Variants in ATP10D observed in about 807,000 individuals in gnomAD.
The protein encoded by ATP10D is phospholipid-transporting ATPase VD.
ATP10D carries 89 observed loss-of-function variants against 144.8 expected under a neutral mutation model. The observed-to-expected ratio is 0.61, with a 90% CI of 0.52 to 0.73. ATP10D has a LOEUF of 0.73. ATP10D is among the 30% of genes least tolerant of loss of function. ATP10D has a pLI of 0.00. For synonymous variants in ATP10D, 571 were observed against 615.1 expected (o/e 0.93, Z 1.06); for missense variants, 1,603 against 1,714.8 (o/e 0.93, Z 1.15).
intron 5 of ATP10D, among the ~76,000 whole-genome samples, chr4:47,534,799 G>T (rs1052406743): frequency 1.3e-5 from 2 of 152,086 alleles, no homozygotes; most frequent in East Asian, 1.9e-4. Flanking sequence ...TATAGTAATA[G>T]AAGTTGTCAA....
chr4:47,511,166 G>A (rs1008208794), intron 1 of ATP10D, among the ~76,000 whole-genome samples: 5 of 152,086 alleles, frequency 3.3e-5, no homozygotes, highest in East Asian at 1.9e-4. Flanking sequence ...AATATACTTC[G>A]GAGGCAGACT....
intron 1 of ATP10D, chr4:47,491,178 A>C: frequency 1.3e-6 from 1 of 746,046 alleles, no homozygotes; most frequent in Non-Finnish European, 2.5e-6. Context: ...TAGAGTGCTT[A>C]ATGTGCTCAA....
Position 47,593,032 on chromosome 4 carries a change from A to T in ATP10D, c.*1651A>T, listed in dbSNP as rs1428482166. The stretch of plus-strand genomic sequence containing the variant: ...GAAAATCACTGATGTCATATCATTT[A>T]TTATCCTCACAGCAGCTGGCATTCA... On this transcript the variant is annotated 3_prime_UTR_variant, in exon 23 of 23. Transcript: ENST00000273859. 3.9e-5 allele frequency: 6 copies of T among 152,102 alleles called. No individual in the cohort carries two copies. The highest frequency in any genetic ancestry group is 1.4e-4 in the African/African-American group (6 of 41,424). 9.4% of individuals were successfully genotyped at this position (152,102 alleles called of 1,614,324 possible). A position where few individuals can be genotyped will look rare whatever the true frequency, so the allele number is the denominator to read the frequency against.
intron 1 of ATP10D, among the ~76,000 whole-genome samples, chr4:47,495,451 A>G (rs1715303183): frequency 6.6e-6 from 1 of 152,196 alleles, no homozygotes; most frequent in Admixed American, 6.5e-5. Context: ...TAACTTTTTG[A>G]TTAAAATGAA....
intron 18 of ATP10D, among the ~76,000 whole-genome samples, chr4:47,575,476 T>C (rs943685039): frequency 1.3e-5 from 2 of 152,122 alleles, no homozygotes; most frequent in Non-Finnish European, 2.9e-5. Flanking sequence ...GGGAAACCCC[T>C]CAGTCCCAAG....
intron 5 of ATP10D, among the ~76,000 whole-genome samples, chr4:47,534,955 T>C (rs1347814146): frequency 2.0e-5 from 3 of 152,078 alleles, no homozygotes; most frequent in Non-Finnish European, 2.9e-5. Context: ...ATGTGACTTA[T>C]GTACACACCA....
intron 14 of ATP10D, among the ~76,000 whole-genome samples, chr4:47,561,450 C>A (rs1346918821): frequency 1.3e-5 from 2 of 151,862 alleles, no homozygotes; most frequent in East Asian, 3.9e-4. Context: ...TTTTTGAATT[C>A]TCACAACAAA....
At chr4:47,575,389 G>A (rs554249370) in intron 18 of ATP10D, among the ~76,000 whole-genome samples, 2 of 152,112 alleles carry the variant, frequency 1.3e-5, no homozygotes, top group African/African-American at 4.8e-5. Context: ...GAATGCCTGT[G>A]CCTGGACTCT....
chr4:47,512,490 T>C lies in ATP10D; in HGVS notation c.-37-14T>C. Reference sequence around the variant, plus strand: ...CAGAAGCTCATGGAAGTGTGGTTTTTGTTTGTTTGCCAGGTCAGCTACACA... The same window carrying C: ...CAGAAGCTCATGGAAGTGTGGTTTTCGTTTGTTTGCCAGGTCAGCTACACA... On this transcript the variant is annotated splice_polypyrimidine_tract_variant and intron_variant, in intron 1 of 22. Transcript: ENST00000273859. The C allele has an allele frequency of 2.0e-6, 3 of 1,512,566 alleles. No individual in the cohort carries two copies. In the South Asian group the frequency reaches 3.8e-5, roughly 19 times the overall value. The allele number at this position is 1,512,566 out of a possible 1,614,324, so 93.7% of individuals were successfully genotyped here. A position where few individuals can be genotyped will look rare whatever the true frequency, so the allele number is the denominator to read the frequency against.
rs751316006 is a variant in ATP10D at position 47,512,623 on chromosome 4, A to G, written c.83A>G (p.Tyr28Cys). ...ACCAGGGATGATGATTCAGGGCCATACAACTATTCCTCGTTGCTCGCCTGT... is the reference window on the plus strand; with the variant it reads ...ACCAGGGATGATGATTCAGGGCCATGCAACTATTCCTCGTTGCTCGCCTGT... The part of the protein sequence containing the change: ...GATRDDDSGP[Y>C]NYSSLLACGR... Residue 28 changes from tyrosine (Y) to cysteine (C), a missense_variant, in exon 2 of 23, where the codon TAC becomes TGC. Tyr to Cys is a radical substitution (Grantham distance 194). Transcript: ENST00000273859. 6.2e-6 allele frequency: 10 copies of G among 1,614,066 alleles called. No individual in the cohort carries two copies. Among genetic ancestry groups the G allele is most frequent in the Non-Finnish European group, 8.5e-6 (10 of 1,180,048 alleles).
At position 47,546,721 on chromosome 4, in the gene ATP10D, C is replaced by G. The variant is rs773229536; in HGVS notation, c.1494C>G (p.Ala498=). Residue 498 remains alanine (A), a synonymous_variant, in exon 10 of 23, where the codon GCC becomes GCG. Transcript: ENST00000273859. ...GSLSNMAKPR[A]PSCRTVHNGP... is the part of the protein sequence containing the mutation. Reference sequence around the variant, plus strand: ...TCAGCAATATGGCAAAACCGAGAGCCCCCAGCTGCAGGACAGTTCATAATG... The same window carrying G: ...TCAGCAATATGGCAAAACCGAGAGCGCCCAGCTGCAGGACAGTTCATAATG... 2.5e-6 allele frequency: 4 copies of G among 1,614,048 alleles called. No homozygotes were observed. Among genetic ancestry groups the G allele is most frequent in the Middle Eastern group, 1.7e-4 (1 of 6,056 alleles).
At chr4:47,513,707 A>C (rs1325156660) in intron 2 of ATP10D, among the ~76,000 whole-genome samples, 1 of 152,218 alleles carries the variant, frequency 6.6e-6, no homozygotes, top group Non-Finnish European at 1.5e-5. Flanking sequence ...AACAGGAAGT[A>C]AAGTCAGAAA....
rs1298792497 is a variant in ATP10D at position 47,557,684 on chromosome 4, G to C, written c.1845G>C (p.Gly615=). The change falls in exon 12 of 23, where the codon GGG becomes GGC. Residue 615 remains glycine (G), a synonymous_variant. Transcript: ENST00000273859. ...PRQKIRHPSL[G]GLPIKSLEEI... is the part of the protein sequence containing the mutation. ...CATAGATCAGACACCCTTCACTGGG[G>C]GGGTTGCCCATTAAGTCTTTGGAAG... The C allele has an allele frequency of 6.2e-7, 1 of 1,609,934 alleles. No individual in the cohort carries two copies. Among genetic ancestry groups the C allele is most frequent in the Non-Finnish European group, 8.5e-7 (1 of 1,176,616 alleles).
At chr4:47,546,487 A>C in intron 9 of ATP10D, 137 bp from the exon 10 acceptor site, 1 of 738,428 alleles carries the variant, frequency 1.4e-6, no homozygotes, top group Non-Finnish European at 2.4e-6. Context: ...GACCAAGGCT[A>C]TGGGAGGTAG....
intron 22 of ATP10D, 46 bp from the exon 23 acceptor site, chr4:47,590,996 T>A: frequency 2.4e-6 from 3 of 1,236,036 alleles, no homozygotes; most frequent in Non-Finnish European, 3.3e-6. Flanking sequence ...GGTTCTGTAA[T>A]GCATTTGAGA....
intron 19 of ATP10D, 31 bp from the exon 20 acceptor site, chr4:47,580,367 A>C: frequency 6.6e-7 from 1 of 1,520,940 alleles, no homozygotes; most frequent in South Asian, 1.1e-5. Context: ...TGTTAATCTT[A>C]CTACCTCCCC....
chr4:47,515,030 G>A (rs961212225), intron 2 of ATP10D, among the ~76,000 whole-genome samples: 18 of 151,806 alleles, frequency 1.2e-4, no homozygotes, highest in Admixed American at 9.8e-4. Context: ...GTGTGATCCC[G>A]GCTCACTGCA....
chr4:47,512,628 T>G lies in ATP10D; in HGVS notation c.88T>G (p.Tyr30Asp), dbSNP rs745489831. The G allele has an allele frequency of 6.2e-7, 1 of 1,614,114 alleles. No individual in the cohort carries two copies. The highest frequency in any genetic ancestry group is 1.1e-5 in the South Asian group (1 of 91,084). The change falls in exon 2 of 23, where the codon TAT becomes GAT. Residue 30 changes from tyrosine (Y) to aspartate (D), a missense_variant. Transcript: ENST00000273859. ...TRDDDSGPYN[Y>D]SSLLACGRKS... is the part of the protein sequence containing the mutation. ...GGATGATGATTCAGGGCCATACAAC[T>G]ATTCCTCGTTGCTCGCCTGTGGGCG...
chr4:47,491,391 A>G (rs1030661965), intron 1 of ATP10D: 1 of 728,872 alleles, frequency 1.4e-6, no homozygotes, highest in Non-Finnish European at 2.5e-6. Flanking sequence ...CAAAGGAACA[A>G]CTCCATGTTT....
Sources: gnomAD v4.1 joint callset for allele counts (sites outside exome capture counted in the v4.1 genomes callset) on GRCh38, gnomAD v4.1.1 for gene constraint, MANE v1.5 for transcripts, NCBI Gene and HGNC (gene_info 2026-07-23, HGNC 2026-07-21) for gene names.